The following WDR46 variants were observed in gnomAD, a reference collection of about 807,000 sequenced individuals.
WDR46 encodes the protein WD repeat domain 46.
In WDR46, 58 loss-of-function variants were observed where a neutral mutation model predicts 74.7. The ratio of observed to expected loss-of-function variants is 0.78; its 90% CI spans 0.63 to 0.97. WDR46 has a LOEUF of 0.97. Ranked by LOEUF, WDR46 falls within the 50% of genes least tolerant of loss-of-function variation. The probability of loss-of-function intolerance (pLI) is 0.00; values close to 1 mark genes in which losing one functional copy is unlikely to be tolerated. For missense variants in WDR46, 702 were observed against 790.1 expected (o/e 0.89, Z 1.34); for synonymous variants, 278 against 297.3 (o/e 0.93, Z 0.67).
chr6:33,281,299 G>A (rs1174425119), intron 10 of WDR46, among the ~76,000 whole-genome samples: 3 of 152,088 alleles, frequency 2.0e-5, no homozygotes, highest in Admixed American at 6.6e-5. Flanking sequence ...AGACACGGGC[G>A]TCAAAAGGAA....
intron 3 of WDR46, 24 bp downstream of exon 3, chr6:33,288,590 C>T: frequency 6.2e-7 from 1 of 1,612,226 alleles, no homozygotes. Context: ...TCCAGCACTT[C>T]CCAACTCTCC....
chr6:33,287,239 G>A lies in WDR46; in HGVS notation c.880-13C>T, dbSNP rs775341449. 26 of 1,613,478 alleles carry A rather than the reference G, an allele frequency of 1.6e-5. No homozygotes were observed. Among genetic ancestry groups the A allele is most frequent in the Non-Finnish European group, 2.2e-5 (26 of 1,179,910 alleles). On this transcript the variant is annotated splice_polypyrimidine_tract_variant and intron_variant, in intron 8 of 14. Transcript: ENST00000374617. ...ACCCTGTTTCTGACTGAGAGAGAAAGACAGAGAGAATGACCCAGTCCTGAT... is the reference window on the plus strand; with the variant it reads ...ACCCTGTTTCTGACTGAGAGAGAAAAACAGAGAGAATGACCCAGTCCTGAT...
Position 33,280,846 on chromosome 6 carries a change from C to T in WDR46, c.1257G>A (p.Met419Ile). The change falls in exon 11 of 15, where the codon ATG becomes ATA. Residue 419 changes from methionine to isoleucine, a missense_variant. Physicochemically the swap from Met to Ile is conservative, Grantham distance 10. Coordinates refer to ENST00000374617, the MANE Select transcript of WDR46 (RefSeq NM_005452.6). ...FSQRGLLVAGMGDVVNIWAGQ... is the reference protein window; with the variant it reads ...FSQRGLLVAGIGDVVNIWAGQ... ...CTGCCCAGATGTTGACAACGTCACC[C>T]ATTCCCGCCACCAGCAGTCCCCTCT... The T allele has an allele frequency of 6.2e-7, 1 of 1,614,188 alleles. No individual in the cohort carries two copies. The highest frequency in any genetic ancestry group is 8.5e-7 in the Non-Finnish European group (1 of 1,180,026).
intron 10 of WDR46, chr6:33,284,270 C>G (rs896887210): frequency 2.0e-5 from 3 of 153,300 alleles, no homozygotes; most frequent in Non-Finnish European, 4.4e-5. Context: ...AAAAAATAGC[C>G]ACAAGTTTTT....
Position 33,280,655 on chromosome 6 carries a change from C to T in WDR46, c.1429+19G>A. The T allele has an allele frequency of 6.3e-7, 1 of 1,585,306 alleles. No homozygotes were observed. The highest frequency in any genetic ancestry group is 8.6e-7 in the Non-Finnish European group (1 of 1,162,930). On this transcript the variant is annotated intron_variant, in intron 11 of 14. Transcript: ENST00000374617. ...CCCAGAGTTCATTCACTTCAAGCCC[C>T]ATCCCCTGGCCCACTCACCAGGGAC...
In WDR46 at chr6:33,280,529, G is replaced by C. The variant is rs574969964; in HGVS notation, c.1430-7C>G. On this transcript the variant is annotated splice_region_variant and splice_polypyrimidine_tract_variant and intron_variant, in intron 11 of 14. Coordinates refer to ENST00000374617, the MANE Select transcript of WDR46 (RefSeq NM_005452.6). ...AAGTTGGGCTCACCGGCCCCTGAAGGGAGGGAGGGAGAAGCATGGAGCCAT... is the reference window on the plus strand; with the variant it reads ...AAGTTGGGCTCACCGGCCCCTGAAGCGAGGGAGGGAGAAGCATGGAGCCAT... The C allele has an allele frequency of 1.6e-5, 26 of 1,600,130 alleles. No homozygotes were observed. Among genetic ancestry groups the C allele is most frequent in the Admixed American group, 3.4e-5 (2 of 58,086 alleles).
intron 10 of WDR46, among the ~76,000 whole-genome samples, chr6:33,283,210 AAAAAAAAAG>A (rs201360509): frequency 0.016 from 2,406 of 151,598 alleles, 86 homozygotes; most frequent in Non-Finnish European, 0.014. Flanking sequence ...CTCCGTCTCA[AAAAAAAAAG>A]ATACAATTAT....
rs1206559434 is a variant in WDR46 at position 33,287,608 on chromosome 6, A to G, written c.728+6T>C. ...CCAACTGACCGCTGACAGTGAGGCC[A>G]CTGACCGGATGTCCCGCACCGCCTC... On this transcript the variant is annotated splice_donor_region_variant and intron_variant, in intron 7 of 14. Coordinates refer to ENST00000374617, the MANE Select transcript of WDR46 (RefSeq NM_005452.6). The G allele has an allele frequency of 1.2e-6, 2 of 1,613,798 alleles. No homozygotes were observed. Among genetic ancestry groups the G allele is most frequent in the African/African-American group, 1.3e-5 (1 of 74,830 alleles).
chr6:33,283,208 CA>C (rs556685212), intron 10 of WDR46, among the ~76,000 whole-genome samples: 4 of 143,376 alleles, frequency 2.8e-5, no homozygotes, highest in African/African-American at 2.6e-5. Flanking sequence ...GACTCCGTCT[CA>C]AAAAAAAAAG....
Position 33,287,982 on chromosome 6 carries a change from G to A in WDR46, c.606C>T (p.Asn202=). Residue 202 remains asparagine (N), a synonymous_variant, in exon 6 of 15, where the codon AAC becomes AAT. Coordinates refer to ENST00000374617, the MANE Select transcript of WDR46 (RefSeq NM_005452.6). ...AACCTTACCTTCCAGTTCGAGAGTA[G>A]TTTAGTCTGTAGGGTCCAAACTGCC... The part of the protein sequence containing the change: ...NLRQFGPYRL[N]YSRTGRHLAF... 2 of 1,614,172 alleles carry A rather than the reference G, an allele frequency of 1.2e-6. No individual in the cohort carries two copies. Among genetic ancestry groups the A allele is most frequent in the Non-Finnish European group, 1.7e-6 (2 of 1,180,028 alleles).
At chr6:33,285,955 A>C (rs1412879161) in intron 10 of WDR46, among the ~76,000 whole-genome samples, 5 of 149,556 alleles carry the variant, frequency 3.3e-5, no homozygotes, top group African/African-American at 1.2e-4. Context: ...AGCCTGGCCA[A>C]CACAGTAAAA....
At chr6:33,287,923 G>A (rs762692739) in intron 6 of WDR46, 42 bp downstream of exon 6, 2 of 1,609,954 alleles carry the variant, frequency 1.2e-6, no homozygotes, top group Non-Finnish European at 1.7e-6. Context: ...AGTGGTTAAG[G>A]AAACACATCT....
At chr6:33,288,102 T>C in intron 5 of WDR46, 46 bp downstream of exon 5, 1 of 1,614,134 alleles carries the variant, frequency 6.2e-7, no homozygotes, top group Non-Finnish European at 8.5e-7. Flanking sequence ...TCTATTGTCC[T>C]GCACCACCAA....
At chr6:33,281,319 G>A (rs79247533) in intron 10 of WDR46, among the ~76,000 whole-genome samples, 5,881 of 152,182 alleles carry the variant, frequency 0.039, 245 homozygotes, top group African/African-American at 0.098. Flanking sequence ...ACGCCCACAC[G>A]ACAGGCTGCA....
chr6:33,288,131 T>A lies in WDR46; in HGVS notation c.561+17A>T. On this transcript the variant is annotated intron_variant, in intron 5 of 14. Transcript: ENST00000374617. ...CCACCAATCAATCCCTTGGCTCCTT[T>A]ACCTCCTCAGGCTCACCTTGGCTGC... 1 of 1,614,196 alleles carries A rather than the reference T, an allele frequency of 6.2e-7. No homozygotes were observed. The highest frequency in any genetic ancestry group is 2.2e-5 in the East Asian group (1 of 44,882).
rs1765885105 is a variant in WDR46, at chr6:33,279,143, C to T, written c.*133G>A. The T allele has an allele frequency of 7.6e-7, 1 of 1,309,582 alleles. No homozygotes were observed. Among genetic ancestry groups the T allele is most frequent in the Non-Finnish European group, 1.1e-6 (1 of 944,198 alleles). 81.1% of individuals were successfully genotyped at this position (1,309,582 alleles called of 1,614,324 possible). A position where few individuals can be genotyped will look rare whatever the true frequency, so the allele number is the denominator to read the frequency against. Reference sequence around the variant, plus strand: ...CGCTTTCCTCTTTAATACCAACCCACCCCAGGAGACAGCTGTCCACCCCCA... The same window carrying T: ...CGCTTTCCTCTTTAATACCAACCCATCCCAGGAGACAGCTGTCCACCCCCA... On this transcript the variant is annotated 3_prime_UTR_variant, in exon 15 of 15. Transcript: ENST00000374617.
intron 10 of WDR46, among the ~76,000 whole-genome samples, chr6:33,283,490 G>A (rs112056294): frequency 0.049 from 7,425 of 152,214 alleles, 391 homozygotes; most frequent in African/African-American, 0.13. Context: ...AATTCTGGGT[G>A]ACAGGAAAAT....
intron 9 of WDR46, 31 bp from the exon 10 acceptor site, chr6:33,286,925 T>A (rs1766700746): frequency 6.2e-7 from 1 of 1,611,794 alleles, no homozygotes; most frequent in African/African-American, 1.3e-5. Flanking sequence ...AAGTTGCTAA[T>A]ACACACCTAA....
chr6:33,280,363 A>G (rs1469387537), intron 12 of WDR46, 65 bp downstream of exon 12: 1 of 1,519,200 alleles, frequency 6.6e-7, no homozygotes, highest in African/African-American at 1.4e-5. Flanking sequence ...CCTCTCCAGG[A>G]CGGGGGAACC....
Sources: allele counts gnomAD v4.1 joint callset (sites outside exome capture counted in the v4.1 genomes callset), GRCh38; gene constraint gnomAD v4.1.1; transcripts MANE v1.5; gene names NCBI Gene and HGNC (gene_info 2026-07-23, HGNC 2026-07-21).